Variants in MYH16 observed in about 807,000 individuals in gnomAD.
MYH16 encodes myosin heavy chain 16, also known as putative uncharacterized protein MYH16.
chr7:99,269,205 C>G (rs974621536), intron 18 of MYH16, among the ~76,000 whole-genome samples: 2 of 152,126 alleles, frequency 1.3e-5, no homozygotes, highest in African/African-American at 4.8e-5. Context: ...CCTTTCATGT[C>G]TTTCCTCTCC....
At chr7:99,250,628 G>C (rs1791798434) in intron 5 of MYH16, among the ~76,000 whole-genome samples, 1 of 152,196 alleles carries the variant, frequency 6.6e-6, no homozygotes, top group Non-Finnish European at 1.5e-5. Flanking sequence ...TATAGTCCCA[G>C]CTACTCAGGG....
intron 33 of MYH16, among the ~76,000 whole-genome samples, chr7:99,294,813 G>A (rs1217333088): frequency 6.6e-6 from 1 of 151,828 alleles, no homozygotes; most frequent in African/African-American, 2.4e-5. Context: ...TGATCCACCC[G>A]CCTTGGCCTC....
intron 20 of MYH16, among the ~76,000 whole-genome samples, chr7:99,275,321 A>T (rs1244238848): frequency 2.6e-5 from 4 of 152,116 alleles, no homozygotes; most frequent in Non-Finnish European, 5.9e-5. Flanking sequence ...TTGTAGAGAC[A>T]GCGTCTTGCT....
chr7:99,262,313 G>A (rs1391147396), intron 13 of MYH16, among the ~76,000 whole-genome samples: 2 of 152,208 alleles, frequency 1.3e-5, no homozygotes, highest in East Asian at 3.8e-4. Flanking sequence ...AGACAGAGCT[G>A]TCAGGAAAGT....
chr7:99,294,273 A>ATGCCCC (rs1792440011), intron 33 of MYH16, 123 bp downstream of exon 14: 1 of 339,268 alleles, frequency 2.9e-6, no homozygotes, highest in African/African-American at 2.2e-5. Context: ...AGAAGGTGCA[A>ATGCCCC]TGCAGGGGTG....
intron 39 of MYH16, among the ~76,000 whole-genome samples, chr7:99,303,689 C>G (rs1792639454): frequency 6.6e-6 from 1 of 152,194 alleles, no homozygotes; most frequent in South Asian, 2.1e-4. Context: ...GTAGTCCCAG[C>G]TACTCAGAAG....
chr7:99,296,796 AG>A (rs776483348), exon 34 of MYH16: 10 of 456,782 alleles, frequency 2.2e-5, no homozygotes, highest in South Asian at 1.5e-4. Flanking sequence ...TGCAGGTGGA[AG>A]TGGACAGCTC....
chr7:99,285,318 C>T (rs1485544019), intron 26 of MYH16, 64 bp from the exon 9 acceptor site: 2 of 454,078 alleles, frequency 4.4e-6, no homozygotes, highest in Non-Finnish European at 8.8e-6. Flanking sequence ...TCCTAAAAGG[C>T]TAAGGGGCTG....
At chr7:99,259,073 A>G (rs1791907204) in intron 11 of MYH16, among the ~76,000 whole-genome samples, 1 of 152,192 alleles carries the variant, frequency 6.6e-6, no homozygotes, top group Non-Finnish European at 1.5e-5. Context: ...CTCCCTTGCT[A>G]TCATGAGAAC....
chr7:99,259,698 G>A (rs923383152), intron 11 of MYH16, among the ~76,000 whole-genome samples: 12 of 149,460 alleles, frequency 8.0e-5, no homozygotes, highest in African/African-American at 2.5e-4. Context: ...TAATATATAT[G>A]TGTGTGTATA....
In MYH16 at chr7:99,293,981, A is replaced by G. The variant is rs1471055320; in HGVS notation, n.4150-37A>G. ...GTGGAGATGGTGCCTGTAAGTGCCT[A>G]TGTTTCCTTGACAGCCCCTCTGGCC... On this transcript the variant is annotated intron_variant and non_coding_transcript_variant, in intron 32 of 41. Coordinates refer to ENST00000439784, the Ensembl canonical transcript of MYH16. The G allele has an allele frequency of 2.6e-5, 11 of 429,376 alleles. No homozygotes were observed. The Admixed American group carries it at 2.9e-4, about 11-fold the overall frequency. The allele number at this position is 429,376 out of a possible 1,614,324, so 26.6% of individuals were successfully genotyped here.
At chr7:99,280,432 AC>A (rs1562781244) in intron 22 of MYH16, among the ~76,000 whole-genome samples, 1 of 152,164 alleles carries the variant, frequency 6.6e-6, no homozygotes, top group Non-Finnish European at 1.5e-5. Context: ...GCCCCTCTGA[AC>A]AGCTCCCTGG....
At chr7:99,306,817 C>T (rs68164591), downstream of MYH16, 23,539 of 152,630 alleles carry the variant, frequency 0.15, 2,479 homozygotes, top group African/African-American at 0.3. Context: ...TGAGGCCCTC[C>T]GTGTCCTAGG....
At chr7:99,262,377 C>T (rs948078146) in intron 13 of MYH16, among the ~76,000 whole-genome samples, 1 of 152,210 alleles carries the variant, frequency 6.6e-6, no homozygotes, top group Non-Finnish European at 1.5e-5. Context: ...CAACCATAAC[C>T]ATAATGCCAA....
At chr7:99,272,165 A>G (rs936395034) in intron 19 of MYH16, among the ~76,000 whole-genome samples, 1 of 152,224 alleles carries the variant, frequency 6.6e-6, no homozygotes, top group African/African-American at 2.4e-5. Flanking sequence ...CGGAGGACAC[A>G]GCTTAACCCC....
intron 18 of MYH16, among the ~76,000 whole-genome samples, chr7:99,267,872 G>A (rs1792003833): frequency 6.6e-6 from 1 of 152,226 alleles, no homozygotes; most frequent in South Asian, 2.1e-4. Flanking sequence ...GAGGTTCACA[G>A]GCTTTGCAGT....
chr7:99,278,021 C>T (rs572099969), intron 21 of MYH16, among the ~76,000 whole-genome samples: 4 of 151,866 alleles, frequency 2.6e-5, no homozygotes, highest in Admixed American at 2.0e-4. Flanking sequence ...TGAAGTGGCT[C>T]GATCACAGCT....
At chr7:99,294,186 C>A (rs1366973293) in intron 33 of MYH16, 36 bp downstream of exon 14, 1 of 444,326 alleles carries the variant, frequency 2.3e-6, no homozygotes. Context: ...GCCTATTTAC[C>A]GGGGCAGAGA....
chr7:99,276,058 C>T (rs1444750415), intron 20 of MYH16, among the ~76,000 whole-genome samples: 1 of 152,182 alleles, frequency 6.6e-6, no homozygotes, highest in Non-Finnish European at 1.5e-5. Flanking sequence ...TGTTCTAAAT[C>T]CTCTCCTCTT....
Sources: gnomAD v4.1 joint callset for allele counts (sites outside exome capture counted in the v4.1 genomes callset) on GRCh38, gnomAD v4.1.1 for gene constraint, MANE v1.5 for transcripts, NCBI Gene and HGNC (gene_info 2026-07-23, HGNC 2026-07-21) for gene names.